Variants in LRP1B observed in about 807,000 individuals in gnomAD.
LRP1B encodes LDL receptor related protein 1B.
LRP1B carries 217 observed loss-of-function variants against 556.6 expected under a neutral mutation model. That is an observed-to-expected ratio of 0.39 (90% CI 0.35 to 0.44). The LOEUF (loss-of-function observed/expected upper bound fraction) is 0.44, where lower values mean the gene tolerates loss of function less well. LRP1B is among the 20% of genes least tolerant of loss of function. The pLI, the probability that LRP1B is intolerant of heterozygous loss-of-function variation, is 1.00. For synonymous variants in LRP1B, 2,047 were observed against 1,865.8 expected, an observed-to-expected ratio of 1.10 and a Z score of -2.50; for missense variants, 5,053 against 5,620.8, an observed-to-expected ratio of 0.90 and a Z score of 3.23.
At chr2:140,249,012 C>T (rs989401383) in intron 86 of LRP1B, among the ~76,000 whole-genome samples, 4 of 145,652 alleles carry the variant, frequency 2.7e-5, no homozygotes, top group African/African-American at 1.0e-4. Flanking sequence ...ATTAAAATAT[C>T]AAAATTTGCT....
intron 51 of LRP1B, among the ~76,000 whole-genome samples, chr2:140,511,447 G>T (rs148453595): frequency 0.017 from 2,646 of 151,826 alleles, 26 homozygotes; most frequent in Non-Finnish European, 0.023. Flanking sequence ...GACTACAGGC[G>T]CCCGCCTCCA....
At chr2:141,302,393 T>A (rs1238676393) in intron 3 of LRP1B, among the ~76,000 whole-genome samples, 1 of 152,136 alleles carries the variant, frequency 6.6e-6, no homozygotes, top group African/African-American at 2.4e-5. Flanking sequence ...CTTCAGATTA[T>A]GTAATTAATA....
intron 11 of LRP1B, among the ~76,000 whole-genome samples, chr2:141,043,482 TTA>T (rs1390916875): frequency 1.3e-5 from 2 of 151,866 alleles, no homozygotes; most frequent in African/African-American, 4.8e-5. Context: ...AGCCTTTGTA[TTA>T]TGTAAAACAG....
chr2:141,947,826 A>AAC (rs1700998404), intron 1 of LRP1B, among the ~76,000 whole-genome samples: 1 of 148,936 alleles, frequency 6.7e-6, no homozygotes, highest in Non-Finnish European at 1.5e-5. Context: ...GAAAAAAAAA[A>AAC]CAACAATACT....
intron 1 of LRP1B, among the ~76,000 whole-genome samples, chr2:141,967,286 C>G (rs899564617): frequency 3.3e-5 from 5 of 151,790 alleles, no homozygotes; most frequent in Non-Finnish European, 7.4e-5. Flanking sequence ...TTGGTCAACT[C>G]CATAAATCAC....
chr2:141,954,282 C>T (rs1701188917), intron 1 of LRP1B, among the ~76,000 whole-genome samples: 1 of 152,096 alleles, frequency 6.6e-6, no homozygotes, highest in Non-Finnish European at 1.5e-5. Context: ...TCACATGAAG[C>T]TGGATGCTAC....
At chr2:140,854,205 C>A (rs1692546561) in intron 27 of LRP1B, among the ~76,000 whole-genome samples, 1 of 152,006 alleles carries the variant, frequency 6.6e-6, no homozygotes, top group East Asian at 1.9e-4. Flanking sequence ...TAATCCATAA[C>A]AGTCTAATGG....
At chr2:141,303,846 T>A (rs1686485740) in intron 3 of LRP1B, among the ~76,000 whole-genome samples, 1 of 152,178 alleles carries the variant, frequency 6.6e-6, no homozygotes, top group Non-Finnish European at 1.5e-5. Flanking sequence ...CATACTGTTT[T>A]CCATACTGGC....
intron 7 of LRP1B, among the ~76,000 whole-genome samples, chr2:141,068,557 CAAA>C (rs564540035): frequency 1.1e-4 from 8 of 71,596 alleles, no homozygotes; most frequent in Admixed American, 4.6e-4. Context: ...ATGTGGTTGG[CAAA>C]AAAAAAAAAA....
In LRP1B at chr2:141,667,877, A is replaced by G. The variant is rs115245984; in HGVS notation, c.205+142402T>C. On this transcript the variant is annotated intron_variant, in intron 2 of 90. Coordinates refer to ENST00000389484, the MANE Select transcript of LRP1B (RefSeq NM_018557.3). ...ATTTATAGAAAGAATGGATGGATGA[A>G]TAGGTAAATTAACATGTGAATAAGA... is the stretch of plus-strand genomic sequence containing the variant. Among the ~76,000 whole-genome samples, 326 of 152,302 alleles carry G rather than the reference A, an allele frequency of 2.1e-3. 1 individual carries two copies. The highest frequency in any genetic ancestry group is 7.3e-3 in the African/African-American group (302 of 41,554).
intron 32 of LRP1B, among the ~76,000 whole-genome samples, chr2:140,811,055 T>G (rs1181798786): frequency 6.6e-6 from 1 of 152,132 alleles, no homozygotes; most frequent in Non-Finnish European, 1.5e-5. Flanking sequence ...TTTTTGTTTT[T>G]GTTTTTTGTT....
chr2:140,429,437 C>T lies in LRP1B; in HGVS notation c.10414+13067G>A, dbSNP rs182479495. Among the ~76,000 whole-genome samples the T allele has an allele frequency of 8.8e-3, 1,338 of 152,256 alleles. 23 individuals carry two copies. The highest frequency in any genetic ancestry group is 0.031 in the African/African-American group (1,282 of 41,528). On this transcript the variant is annotated intron_variant, in intron 66 of 90. Transcript: ENST00000389484. The stretch of plus-strand genomic sequence containing the variant: ...TGCACCCTTCATCCCAGCCTCTCTT[C>T]GCTTTCACTTGGACTGACCCTGACA...
At chr2:141,763,363 A>G (rs1694624020) in intron 2 of LRP1B, among the ~76,000 whole-genome samples, 1 of 152,122 alleles carries the variant, frequency 6.6e-6, no homozygotes, top group Non-Finnish European at 1.5e-5. Flanking sequence ...TCTGAAAGAG[A>G]TTATTGGGCT....
At chr2:141,118,763 C>G (rs1033016631) in intron 7 of LRP1B, among the ~76,000 whole-genome samples, 1 of 151,762 alleles carries the variant, frequency 6.6e-6, no homozygotes, top group Non-Finnish European at 1.5e-5. Context: ...GGTATCTAAG[C>G]ATTTTATTTC....
At chr2:141,649,437 C>A (rs1339754896) in intron 2 of LRP1B, among the ~76,000 whole-genome samples, 2 of 152,176 alleles carry the variant, frequency 1.3e-5, no homozygotes, top group Admixed American at 6.5e-5. Context: ...ACCTTATTAT[C>A]CCTTTCTTAG....
At chr2:141,145,532 A>G (rs1701759644) in intron 7 of LRP1B, among the ~76,000 whole-genome samples, 1 of 140,096 alleles carries the variant, frequency 7.1e-6, no homozygotes, top group Admixed American at 7.0e-5. Flanking sequence ...TTTTTTAATT[A>G]AACTTTTTTT....
intron 3 of LRP1B, among the ~76,000 whole-genome samples, chr2:141,458,831 C>T (rs1681738591): frequency 6.6e-6 from 1 of 152,130 alleles, no homozygotes; most frequent in Admixed American, 6.6e-5. Context: ...TAAAGTTCCT[C>T]CTCAAAATCT....
intron 3 of LRP1B, among the ~76,000 whole-genome samples, chr2:141,325,018 T>G (rs1198338691): frequency 6.6e-6 from 1 of 152,042 alleles, no homozygotes; most frequent in Non-Finnish European, 1.5e-5. Flanking sequence ...ACACAGAGAA[T>G]AGGAAACTGG....
At chr2:140,571,665 T>C (rs1303284027) in intron 43 of LRP1B, among the ~76,000 whole-genome samples, 2 of 151,752 alleles carry the variant, frequency 1.3e-5, no homozygotes, top group African/African-American at 2.4e-5. Flanking sequence ...CTAAAACTTA[T>C]ATGAAATCAC....
Sources: allele counts gnomAD v4.1 joint callset (sites outside exome capture counted in the v4.1 genomes callset), GRCh38; gene constraint gnomAD v4.1.1; transcripts MANE v1.5; gene names NCBI Gene and HGNC (gene_info 2026-07-23, HGNC 2026-07-21).